The following EXOC4 variants were observed in gnomAD, a reference collection of about 807,000 sequenced individuals.
EXOC4 encodes SEC8-like 1.
In EXOC4, 71 loss-of-function variants were observed where a neutral mutation model predicts 107.2. That is an observed-to-expected ratio of 0.66 (90% CI 0.55 to 0.81). The LOEUF is 0.81. Ranked by LOEUF, EXOC4 falls within the 30% of genes least tolerant of loss-of-function variation. The probability of loss-of-function intolerance (pLI) is 0.00; values close to 1 mark genes in which losing one functional copy is unlikely to be tolerated. For synonymous variants in EXOC4, 456 were observed against 441.2 expected, an observed-to-expected ratio of 1.03 and a Z score of -0.42; for missense variants, 1,108 against 1,189.6, an observed-to-expected ratio of 0.93 and a Z score of 1.01.
intron 11 of EXOC4, among the ~76,000 whole-genome samples, chr7:133,853,141 G>GT (rs1188704870): frequency 6.6e-6 from 1 of 152,076 alleles, no homozygotes; most frequent in East Asian, 1.9e-4. Flanking sequence ...AATCGAGGTC[G>GT]TCTCCAGCTT....
chr7:133,496,667 A>G (rs1799482381), intron 9 of EXOC4, among the ~76,000 whole-genome samples: 1 of 152,062 alleles, frequency 6.6e-6, no homozygotes, highest in Admixed American at 6.5e-5. Context: ...GTGGTTTTCT[A>G]TTTTGAATGA....
chr7:133,913,466 GT>G (rs1212573872), intron 12 of EXOC4, among the ~76,000 whole-genome samples: 3 of 152,184 alleles, frequency 2.0e-5, no homozygotes, highest in Non-Finnish European at 2.9e-5. Context: ...AAAGATGAGG[GT>G]TTAAATATAG....
rs554160920 is a variant in EXOC4, at chr7:133,446,297, G to A, written c.1183-29031G>A. Among the ~76,000 whole-genome samples, 7 of 152,174 alleles carry A rather than the reference G, an allele frequency of 4.6e-5. No homozygotes were observed. In the East Asian group the frequency reaches 9.7e-4, roughly 21 times the overall value. On this transcript the variant is annotated intron_variant, in intron 7 of 17. Transcript: ENST00000253861. ...TCAATAAAACTGTTTTCTTATTTAC[G>A]AGGGAGACTTTATTCCATTTTTTGG... is the stretch of plus-strand genomic sequence containing the variant.
At chr7:134,096,320 A>G in the EXOC4 span, among the ~76,000 whole-genome samples, 1 of 152,224 alleles carries the variant, frequency 6.6e-6, no homozygotes, top group African/African-American at 2.4e-5. Context: ...TTTCACTTAA[A>G]GACTTCAGTC....
chr7:133,618,099 A>T (rs182992931), intron 9 of EXOC4, among the ~76,000 whole-genome samples: 43 of 152,218 alleles, frequency 2.8e-4, no homozygotes, highest in Admixed American at 1.8e-3. Flanking sequence ...CAGACACATG[A>T]TACAGGCTTA....
At chr7:133,452,361 T>C (rs1005761321) in intron 7 of EXOC4, among the ~76,000 whole-genome samples, 10 of 152,058 alleles carry the variant, frequency 6.6e-5, no homozygotes, top group African/African-American at 2.2e-4. Flanking sequence ...TTTGGATATG[T>C]GAAAAAATGT....
At chr7:133,643,523 A>G (rs1237444135) in intron 10 of EXOC4, among the ~76,000 whole-genome samples, 1 of 152,118 alleles carries the variant, frequency 6.6e-6, no homozygotes, top group African/African-American at 2.4e-5. Flanking sequence ...AACCATCCCA[A>G]GTCCACCCCT....
chr7:133,928,388 G>A (rs1251024847), intron 13 of EXOC4, among the ~76,000 whole-genome samples: 1 of 152,142 alleles, frequency 6.6e-6, no homozygotes. Context: ...CTGTAATCTT[G>A]GCCCCACTCT....
rs759108710 is a variant in EXOC4, at chr7:133,997,586, C to T, written c.2301C>T (p.Phe767=). 6.2e-7 allele frequency: 1 copy of T among 1,613,646 alleles called. No individual in the cohort carries two copies. The highest frequency in any genetic ancestry group is 8.5e-7 in the Non-Finnish European group (1 of 1,179,752). ...MQTLSELAKS[F]QDMADRCLLV... ...CTCTCAGTGAACTTGCCAAATCGTTCCAGGATATGGCTGACCGCTGCTTGC... is the reference window on the plus strand; with the variant it reads ...CTCTCAGTGAACTTGCCAAATCGTTTCAGGATATGGCTGACCGCTGCTTGC... Residue 767 remains phenylalanine (F), a synonymous_variant, in exon 15 of 18, where the codon TTC becomes TTT. Transcript: ENST00000253861.
At chr7:134,071,995 C>A in the EXOC4 span, among the ~76,000 whole-genome samples, 1 of 152,314 alleles carries the variant, frequency 6.6e-6, no homozygotes, top group Non-Finnish European at 1.5e-5. Flanking sequence ...GCCACCATTG[C>A]CCACTCTCCT....
chr7:133,429,014 G>A (rs181916128), intron 7 of EXOC4, among the ~76,000 whole-genome samples: 87 of 152,248 alleles, frequency 5.7e-4, no homozygotes, highest in Non-Finnish European at 1.6e-4. Context: ...TTGATGCCTT[G>A]GAAAGGCTGA....
intron 7 of EXOC4, among the ~76,000 whole-genome samples, chr7:133,394,769 G>A (rs1017733990): frequency 1.1e-4 from 16 of 152,076 alleles, no homozygotes; most frequent in African/African-American, 3.9e-4. Flanking sequence ...AAATGGGAAG[G>A]CACTAAATTG....
At chr7:133,498,144 C>T (rs145341302) in intron 9 of EXOC4, among the ~76,000 whole-genome samples, 329 of 152,228 alleles carry the variant, frequency 2.2e-3, no homozygotes, top group Non-Finnish European at 3.6e-3. Flanking sequence ...GCTTTTCTTT[C>T]GGTGCACCTG....
intron 9 of EXOC4, among the ~76,000 whole-genome samples, chr7:133,574,181 AAG>A (rs974304790): frequency 2.0e-5 from 3 of 152,138 alleles, no homozygotes; most frequent in African/African-American, 4.8e-5. Context: ...GGCTCTTGAA[AAG>A]AGAGTGTGTG....
chr7:133,508,947 G>T (rs1195523460), intron 9 of EXOC4, among the ~76,000 whole-genome samples: 1 of 152,150 alleles, frequency 6.6e-6, no homozygotes, highest in Non-Finnish European at 1.5e-5. Context: ...TTTTATTCCA[G>T]ACTTTCTTTT....
intron 10 of EXOC4, among the ~76,000 whole-genome samples, chr7:133,789,498 A>G (rs1796659542): frequency 1.3e-5 from 2 of 152,192 alleles, no homozygotes; most frequent in Admixed American, 1.3e-4. Context: ...TAGGATTACC[A>G]TTTGATGGTA....
intron 5 of EXOC4, among the ~76,000 whole-genome samples, chr7:133,347,138 A>G (rs537318976): frequency 2.8e-4 from 42 of 151,970 alleles, no homozygotes; most frequent in Non-Finnish European, 5.1e-4. Context: ...TAAATAGTCT[A>G]TTTAGCTTTT....
chr7:133,308,641 T>TA (rs920274514), intron 4 of EXOC4, among the ~76,000 whole-genome samples: 7 of 151,916 alleles, frequency 4.6e-5, no homozygotes, highest in African/African-American at 1.2e-4. Context: ...AGAGTATAAA[T>TA]AAAAAAACCT....
At chr7:133,500,945 CTTATTA>C (rs1406611924) in intron 9 of EXOC4, among the ~76,000 whole-genome samples, 1 of 152,100 alleles carries the variant, frequency 6.6e-6, no homozygotes, top group African/African-American at 2.4e-5. Flanking sequence ...ATCTAGACCT[CTTATTA>C]TATGTCATGT....
Sources: allele counts gnomAD v4.1 joint callset (sites outside exome capture counted in the v4.1 genomes callset), GRCh38; gene constraint gnomAD v4.1.1; transcripts MANE v1.5; gene names NCBI Gene and HGNC (gene_info 2026-07-23, HGNC 2026-07-21).